Variants in GALNT8 observed in about 807,000 individuals in gnomAD.
The protein encoded by GALNT8 is polypeptide N-acetylgalactosaminyltransferase 8.
Under a neutral mutation model 62.7 loss-of-function variants are expected in GALNT8, and 66 were observed. The ratio of observed to expected loss-of-function variants is 1.05; its 90% CI spans 0.86 to 1.29. GALNT8 has a LOEUF of 1.29. Among genes scored for constraint, GALNT8 ranks in the 50% most tolerant of loss-of-function variants. The probability of loss-of-function intolerance (pLI) is 0.00; values close to 1 mark genes in which losing one functional copy is unlikely to be tolerated. For synonymous variants in GALNT8, 288 were observed against 294.3 expected (o/e 0.98, Z 0.22); for missense variants, 771 against 791.8 (o/e 0.97, Z 0.32).
intron 2 of GALNT8, among the ~76,000 whole-genome samples, chr12:4,736,748 ATAC>A (rs1325785323): frequency 1.3e-5 from 2 of 152,178 alleles, no homozygotes; most frequent in Non-Finnish European, 2.9e-5. Context: ...CCTGGGTTAT[ATAC>A]AGAGTTACTA....
chr12:4,759,141 A>G (rs1946360533), intron 6 of GALNT8, among the ~76,000 whole-genome samples: 1 of 152,140 alleles, frequency 6.6e-6, no homozygotes, highest in South Asian at 2.1e-4. Flanking sequence ...TTTCTCCCTG[A>G]ATTCACGTGA....
At chr12:4,721,596 C>T (rs889613647) in intron 1 of GALNT8, among the ~76,000 whole-genome samples, 14 of 150,160 alleles carry the variant, frequency 9.3e-5, no homozygotes, top group South Asian at 2.1e-4. Context: ...TATTGCTGCC[C>T]GCATGTCCCA....
chr12:4,731,039 G>C (rs533876519), intron 2 of GALNT8, among the ~76,000 whole-genome samples: 3 of 151,740 alleles, frequency 2.0e-5, no homozygotes, highest in Non-Finnish European at 4.4e-5. Context: ...TAGTAGAGAC[G>C]GGGTTTCACC....
intron 10 of GALNT8, among the ~76,000 whole-genome samples, chr12:4,767,885 G>A (rs1946406757): frequency 1.3e-5 from 2 of 152,144 alleles, no homozygotes; most frequent in Admixed American, 6.5e-5. Context: ...GCAAAGGAGT[G>A]TTCAAAGAAT....
At chr12:4,765,969 CG>C (rs1565390645) in intron 10 of GALNT8, among the ~76,000 whole-genome samples, 1 of 152,136 alleles carries the variant, frequency 6.6e-6, no homozygotes, top group Non-Finnish European at 1.5e-5. Context: ...TTGGTAGAGA[CG>C]GGGTTTCACC....
chr12:4,762,373 G>A (rs1946377087), intron 7 of GALNT8, among the ~76,000 whole-genome samples: 1 of 152,174 alleles, frequency 6.6e-6, no homozygotes, highest in South Asian at 2.1e-4. Context: ...AGATACACAA[G>A]TGGTTTCTGC....
intron 2 of GALNT8, among the ~76,000 whole-genome samples, chr12:4,736,392 A>G (rs368236030): frequency 4.6e-5 from 7 of 152,308 alleles, no homozygotes; most frequent in African/African-American, 1.7e-4. Context: ...AGGAGTTACC[A>G]CAGAGAAGAA....
chr12:4,720,619 A>G lies in GALNT8; in HGVS notation c.-59A>G. On this transcript the variant is annotated 5_prime_UTR_variant, in exon 1 of 11. Coordinates refer to ENST00000252318, the MANE Select transcript of GALNT8 (RefSeq NM_017417.2). ...AAAGCTAGGCTGGTTCTGATTCTTA[A>G]CCTGCTCCAGCAGTGACACACTCAG... 1 of 1,108,806 alleles carries G rather than the reference A, an allele frequency of 9.0e-7. No individual in the cohort carries two copies. The highest frequency in any genetic ancestry group is 1.2e-5 in the South Asian group (1 of 80,850). The allele number at this position is 1,108,806 out of a possible 1,614,324, so 68.7% of individuals were successfully genotyped here. A position where few individuals can be genotyped will look rare whatever the true frequency, so the allele number is the denominator to read the frequency against.
intron 6 of GALNT8, among the ~76,000 whole-genome samples, chr12:4,758,125 G>A (rs964597807): frequency 1.3e-5 from 2 of 152,030 alleles, no homozygotes; most frequent in African/African-American, 4.8e-5. Context: ...TAAAATATAG[G>A]GTCATCCTTT....
At position 4,726,754 on chromosome 12, in the gene GALNT8, G is replaced by A. The variant is rs1228064197; in HGVS notation, c.434G>A (p.Arg145Gln). 2.5e-6 allele frequency: 4 copies of A among 1,613,900 alleles called. No individual in the cohort carries two copies. The highest frequency in any genetic ancestry group is 1.1e-5 in the South Asian group (1 of 91,072). The change falls in exon 2 of 11, where the codon CGG (arginine) becomes CAG (glutamine). Residue 145 changes from arginine to glutamine, a missense_variant. Physicochemically the swap from Arg to Gln is conservative, Grantham distance 43. Transcript: ENST00000252318. The surrounding 1 kb of genome is among the most constrained non-coding windows in gnomAD (Gnocchi z 4.1). The part of the protein sequence containing the change: ...AQQKAAQDLF[R>Q]KFGYNAYLSN... ...CAGAAGGCGGCCCAGGACCTCTTCC[G>A]GAAGTTTGGTTACAACGCGTACCTC...
At position 4,726,904 on chromosome 12, in the gene GALNT8, G is replaced by A. The variant is rs985670382; in HGVS notation, c.509+75G>A. On this transcript the variant is annotated intron_variant, in intron 2 of 10. Coordinates refer to ENST00000252318, the MANE Select transcript of GALNT8 (RefSeq NM_017417.2). This position sits in a 1 kb window ranked among gnomAD's most constrained non-coding sequence, Gnocchi z 4.1. ...ATGAGCTTTGGGAGCAGTGAACATT[G>A]AAGGCTGGGGGAGTGGGGGATTGTT... 2.0e-5 allele frequency: 26 copies of A among 1,287,640 alleles called. No homozygotes were observed. The highest frequency in any genetic ancestry group is 2.6e-5 in the Non-Finnish European group (24 of 922,864). The allele number at this position is 1,287,640 out of a possible 1,614,324, so 79.8% of individuals were successfully genotyped here.
chr12:4,754,063 C>T (rs1946333585), intron 6 of GALNT8, among the ~76,000 whole-genome samples: 1 of 152,318 alleles, frequency 6.6e-6, no homozygotes, highest in Admixed American at 6.5e-5. Flanking sequence ...CTGTTCTGAG[C>T]TACCTAAAGC....
chr12:4,766,236 A>G (rs1191087165), intron 10 of GALNT8, among the ~76,000 whole-genome samples: 1 of 152,204 alleles, frequency 6.6e-6, no homozygotes, highest in Non-Finnish European at 1.5e-5. Flanking sequence ...AAGGAGAAGA[A>G]ATATTGGAGT....
At chr12:4,729,240 AT>A (rs1310212032) in intron 2 of GALNT8, among the ~76,000 whole-genome samples, 2 of 152,208 alleles carry the variant, frequency 1.3e-5, no homozygotes, top group African/African-American at 4.8e-5. Context: ...ATATATCTAA[AT>A]TAACATATGC....
intron 3 of GALNT8, among the ~76,000 whole-genome samples, chr12:4,739,913 C>G (rs1157393851): frequency 6.6e-6 from 1 of 152,050 alleles, no homozygotes; most frequent in Non-Finnish European, 1.5e-5. Flanking sequence ...GTGATCCGCC[C>G]GCCTCGGCCT....
intron 3 of GALNT8, among the ~76,000 whole-genome samples, chr12:4,742,054 T>A (rs761470821): frequency 1.3e-5 from 2 of 152,214 alleles, no homozygotes; most frequent in Non-Finnish European, 2.9e-5. Context: ...ACTCAACCAC[T>A]TCTCACCTCA....
chr12:4,740,036 T>C (rs1338914576), intron 3 of GALNT8, among the ~76,000 whole-genome samples: 2 of 152,260 alleles, frequency 1.3e-5, no homozygotes, highest in South Asian at 2.1e-4. Context: ...GGACTCCAGA[T>C]ACCAGGAAGG....
intron 6 of GALNT8, among the ~76,000 whole-genome samples, chr12:4,758,176 T>A (rs1946353647): frequency 6.6e-6 from 1 of 152,200 alleles, no homozygotes; most frequent in Non-Finnish European, 1.5e-5. Context: ...CATATCCAGC[T>A]TCTTGGTTTG....
chr12:4,731,087 C>T (rs1215510999), intron 2 of GALNT8, among the ~76,000 whole-genome samples: 3 of 151,988 alleles, frequency 2.0e-5, no homozygotes, highest in East Asian at 3.9e-4. Flanking sequence ...CTGCCTGCCT[C>T]GGCCTCCCAA....
Sources: gnomAD v4.1 joint callset for allele counts (sites outside exome capture counted in the v4.1 genomes callset) on GRCh38, gnomAD v4.1.1 for gene constraint, Gnocchi (gnomAD v3.1) non-coding constraint, MANE v1.5 for transcripts, NCBI Gene and HGNC (gene_info 2026-07-23, HGNC 2026-07-21) for gene names.